Variants in PRKAR1B observed in about 807,000 individuals in gnomAD.
PRKAR1B encodes the protein protein kinase cAMP-dependent type I regulatory subunit beta.
A neutral mutation model predicts 46.5 loss-of-function variants in PRKAR1B; 22 were observed. That is an observed-to-expected ratio of 0.47 (90% confidence interval 0.34 to 0.68). PRKAR1B has a LOEUF of 0.68. Ranked by LOEUF, PRKAR1B falls within the 30% of genes least tolerant of loss-of-function variation. The pLI is 0.01. For missense variants in PRKAR1B, 445 were observed against 535.6 expected, an observed-to-expected ratio of 0.83 and a Z score of 1.67; for synonymous variants, 259 against 217.7, an observed-to-expected ratio of 1.19 and a Z score of -1.67.
intron 4 of PRKAR1B, among the ~76,000 whole-genome samples, chr7:633,809 GC>G (rs945081547): frequency 7.9e-5 from 12 of 152,112 alleles, no homozygotes; most frequent in Non-Finnish European, 1.5e-4. Flanking sequence ...CCTGTTCACG[GC>G]CTTCCCAGCA....
intron 4 of PRKAR1B, among the ~76,000 whole-genome samples, chr7:650,747 G>C (rs536094697): frequency 6.6e-6 from 1 of 152,330 alleles, no homozygotes; most frequent in South Asian, 2.1e-4. Context: ...CATTTGCAAA[G>C]GTCACGTGGC....
At chr7:619,628 C>T (rs1259722982) in intron 4 of PRKAR1B, among the ~76,000 whole-genome samples, 1 of 152,180 alleles carries the variant, frequency 6.6e-6, no homozygotes, top group Non-Finnish European at 1.5e-5. Context: ...ATGGAGCTCC[C>T]ATGTGTGCCT....
chr7:649,399 CA>C (rs1784782154), intron 4 of PRKAR1B, among the ~76,000 whole-genome samples: 1 of 152,140 alleles, frequency 6.6e-6, no homozygotes, highest in African/African-American at 2.4e-5. Flanking sequence ...TTATAAGCAT[CA>C]TATTTTTCTT....
At chr7:697,482 G>C (rs989973819) in intron 2 of PRKAR1B, among the ~76,000 whole-genome samples, 2 of 152,142 alleles carry the variant, frequency 1.3e-5, no homozygotes, top group African/African-American at 4.8e-5. Flanking sequence ...AGGCTTCCAC[G>C]GGGTCATCCA....
chr7:691,520 AGAG>A, intron 2 of PRKAR1B: 2 of 1,304,504 alleles, frequency 1.5e-6, no homozygotes, highest in Middle Eastern at 4.3e-4. Flanking sequence ...GAGCAAATGA[AGAG>A]GAGAGCTGGG....
At chr7:570,906 G>A (rs149798643) in intron 9 of PRKAR1B, among the ~76,000 whole-genome samples, 1,522 of 151,764 alleles carry the variant, frequency 0.01, 29 homozygotes, top group African/African-American at 0.035. Flanking sequence ...TCTCTGTGTC[G>A]GGTCCTGCTT....
intron 4 of PRKAR1B, among the ~76,000 whole-genome samples, chr7:617,443 CA>C (rs991905889): frequency 1.3e-5 from 2 of 151,952 alleles, no homozygotes; most frequent in Non-Finnish European, 2.9e-5. Context: ...CAGATGGGAC[CA>C]CCAGCCCGAA....
At chr7:656,982 C>T (rs528251247) in intron 4 of PRKAR1B, among the ~76,000 whole-genome samples, 11 of 128,666 alleles carry the variant, frequency 8.5e-5, no homozygotes, top group African/African-American at 2.7e-4. Context: ...GATGGACGGA[C>T]GGATGGATGA....
chr7:641,747 T>A (rs1463068059), intron 4 of PRKAR1B, among the ~76,000 whole-genome samples: 2 of 152,194 alleles, frequency 1.3e-5, no homozygotes, highest in African/African-American at 2.4e-5. Context: ...TGAACGACTC[T>A]ATTTATGTGT....
intron 2 of PRKAR1B, among the ~76,000 whole-genome samples, chr7:684,191 C>T (rs761385779): frequency 9.2e-5 from 14 of 152,032 alleles, no homozygotes; most frequent in African/African-American, 3.1e-4. Flanking sequence ...CCCACCTCCA[C>T]GTGCACCAAT....
intron 4 of PRKAR1B, among the ~76,000 whole-genome samples, chr7:628,748 C>A (rs1018305485): frequency 2.0e-5 from 3 of 152,218 alleles, no homozygotes; most frequent in Admixed American, 6.5e-5. Context: ...AAGCCCACGG[C>A]CTTGTCCATT....
At chr7:552,705 G>A (rs879915629) in intron 9 of PRKAR1B, among the ~76,000 whole-genome samples, 2 of 152,320 alleles carry the variant, frequency 1.3e-5, no homozygotes, top group South Asian at 2.1e-4. Context: ...CGAGGCGAGC[G>A]GAGGAGCCGG....
chr7:682,589 C>T (rs1010035286), intron 2 of PRKAR1B, among the ~76,000 whole-genome samples: 1 of 151,702 alleles, frequency 6.6e-6, no homozygotes, highest in Non-Finnish European at 1.5e-5. Flanking sequence ...ACTAAAAATA[C>T]AAAAAATTAG....
intron 6 of PRKAR1B, among the ~76,000 whole-genome samples, chr7:601,868 CT>C (rs1349467913): frequency 6.9e-6 from 1 of 144,304 alleles, no homozygotes; most frequent in Non-Finnish European, 1.5e-5. Context: ...TTAAAGCTGC[CT>C]TTGTGCCTGA....
chr7:665,102 T>C (rs1166660550), intron 4 of PRKAR1B, among the ~76,000 whole-genome samples: 2 of 151,988 alleles, frequency 1.3e-5, no homozygotes, highest in African/African-American at 4.8e-5. Flanking sequence ...GGAGACCCTT[T>C]GAAACAGGCT....
At chr7:620,949 C>T (rs1015240090) in intron 4 of PRKAR1B, among the ~76,000 whole-genome samples, 1 of 152,182 alleles carries the variant, frequency 6.6e-6, no homozygotes, top group African/African-American at 2.4e-5. Flanking sequence ...AAGAAGTGAC[C>T]CTATTCTTAG....
At chr7:647,957 G>C (rs1784711256) in intron 4 of PRKAR1B, among the ~76,000 whole-genome samples, 1 of 151,306 alleles carries the variant, frequency 6.6e-6, no homozygotes, top group Non-Finnish European at 1.5e-5. Context: ...ACCAGCTCGA[G>C]CAACACATCA....
chr7:614,513 G>A (rs1239136518), intron 4 of PRKAR1B, among the ~76,000 whole-genome samples: 3 of 152,188 alleles, frequency 2.0e-5, no homozygotes, highest in Admixed American at 6.5e-5. Context: ...CCAGCACTTT[G>A]GGAGACCGGG....
intron 1 of PRKAR1B, among the ~76,000 whole-genome samples, chr7:718,168 G>GCCTTCAGAGGAC (rs1159482685): frequency 6.6e-6 from 1 of 151,638 alleles, no homozygotes; most frequent in Non-Finnish European, 1.5e-5. Flanking sequence ...ATGGATTGCA[G>GCCTTCAGAGGAC]CCTTCAGAGG....
Sources: allele counts gnomAD v4.1 joint callset (sites outside exome capture counted in the v4.1 genomes callset), GRCh38; gene constraint gnomAD v4.1.1; transcripts MANE v1.5; gene names NCBI Gene and HGNC (gene_info 2026-07-23, HGNC 2026-07-21).